Variants in SLC46A3 observed in about 807,000 individuals in gnomAD.
SLC46A3 encodes solute carrier family 46 member 3, also known as lysosomal proton-coupled steroid conjugate and bile acid symporter SLC46A3.
SLC46A3 carries 26 observed loss-of-function variants against 38.5 expected under a neutral mutation model. The ratio of observed to expected loss-of-function variants is 0.68; its 90% CI spans 0.49 to 0.94. The LOEUF is 0.94. Among genes scored for constraint, SLC46A3 ranks in the 40% least tolerant of loss-of-function variants. SLC46A3 has a pLI of 0.00. For synonymous variants in SLC46A3, 185 were observed against 192.5 expected (o/e 0.96, Z 0.32); for missense variants, 510 against 544.3 (o/e 0.94, Z 0.63).
At chr13:28,702,704 C>T (rs1451379375) in intron 5 of SLC46A3, among the ~76,000 whole-genome samples, 2 of 152,206 alleles carry the variant, frequency 1.3e-5, no homozygotes, top group Non-Finnish European at 2.9e-5. Flanking sequence ...TACTGTTGTT[C>T]TCTGACACAG....
In SLC46A3 at chr13:28,713,155, A is replaced by G; in HGVS notation, c.585T>C (p.Gly195=). 12 of 1,614,086 alleles carry G rather than the reference A, an allele frequency of 7.4e-6. No individual in the cohort carries two copies. Among genetic ancestry groups the G allele is most frequent in the Non-Finnish European group, 1.0e-5 (12 of 1,180,014 alleles). Residue 195 remains glycine, a synonymous_variant, in exon 3 of 6, where the codon GGT becomes GGC. Coordinates refer to ENST00000266943, the MANE Select transcript of SLC46A3 (RefSeq NM_181785.4). The part of the protein sequence containing the change: ...LSSGYFIREL[G]FEWSFLIIAV... ...CAATAATTAGAAACGACCACTCAAA[A>G]CCTAGCTCTCTAATAAAATAGCCAG...
At chr13:28,714,906 A>G (rs8181891) in intron 2 of SLC46A3, among the ~76,000 whole-genome samples, 47,301 of 152,170 alleles carry the variant, frequency 0.31, 7,796 homozygotes, top group Middle Eastern at 0.48. Context: ...TTGATGGAAG[A>G]AATTTTGCAT....
intron 4 of SLC46A3, 38 bp from the exon 5 acceptor site, chr13:28,704,137 A>AT: frequency 6.4e-7 from 1 of 1,560,510 alleles, no homozygotes; most frequent in Non-Finnish European, 8.6e-7. Flanking sequence ...GAAAAAAAAA[A>AT]GGCAGAATTA....
chr13:28,702,377 A>T (rs1885047789), intron 5 of SLC46A3, among the ~76,000 whole-genome samples: 1 of 152,250 alleles, frequency 6.6e-6, no homozygotes, highest in Admixed American at 6.5e-5. Context: ...GTCACTTAAA[A>T]TTTTTTTGCT....
In SLC46A3 at chr13:28,709,823, T is replaced by G. The variant is rs866456529; in HGVS notation, c.1144+937A>C. ...GGCATCTCTCTGGCTGCCTCGACAATGCCCACTCTCTATAATGGCCTTCAT... is the reference window on the plus strand; with the variant it reads ...GGCATCTCTCTGGCTGCCTCGACAAGGCCCACTCTCTATAATGGCCTTCAT... On this transcript the variant is annotated intron_variant, in intron 4 of 5. Coordinates refer to ENST00000266943, the MANE Select transcript of SLC46A3 (RefSeq NM_181785.4). Among the ~76,000 whole-genome samples, 9 of 152,296 alleles carry G rather than the reference T, an allele frequency of 5.9e-5. No homozygotes were observed. In the South Asian group the frequency reaches 1.9e-3, roughly 32 times the overall value.
rs1391180927 is a variant in SLC46A3, at chr13:28,700,237, G to A, written c.*1260C>T. 1 of 152,188 alleles carries A rather than the reference G, an allele frequency of 6.6e-6. No homozygotes were observed. The highest frequency in any genetic ancestry group is 2.4e-5 in the African/African-American group (1 of 41,428). The allele number at this position is 152,188 out of a possible 1,614,324, so 9.4% of individuals were successfully genotyped here. ...GAGCTATGGAAGCCCTGTAGGGACT[G>A]GGGAGTGAGGAGGGATGTCAAGAAG... is the stretch of plus-strand genomic sequence containing the variant. On this transcript the variant is annotated 3_prime_UTR_variant, in exon 6 of 6. Coordinates refer to ENST00000266943, the MANE Select transcript of SLC46A3 (RefSeq NM_181785.4).
At chr13:28,707,228 G>T (rs1379039411) in intron 4 of SLC46A3, among the ~76,000 whole-genome samples, 5 of 151,792 alleles carry the variant, frequency 3.3e-5, no homozygotes, top group Non-Finnish European at 7.4e-5. Flanking sequence ...CCATACAAAA[G>T]GATGAGTTCA....
chr13:28,712,537 G>A, intron 3 of SLC46A3, 143 bp downstream of exon 3: 1 of 769,508 alleles, frequency 1.3e-6, no homozygotes, highest in Non-Finnish European at 1.8e-6. Context: ...ATTGACTCCT[G>A]GCAAACTAGT....
At chr13:28,712,596 T>G in intron 3 of SLC46A3, 84 bp downstream of exon 3, 1 of 1,380,636 alleles carries the variant, frequency 7.2e-7, no homozygotes, top group Non-Finnish European at 9.6e-7. Context: ...GGCTTTAGAT[T>G]AAAGTTTCTC....
intron 3 of SLC46A3, among the ~76,000 whole-genome samples, chr13:28,712,308 G>A (rs1885365350): frequency 6.6e-6 from 1 of 152,002 alleles, no homozygotes; most frequent in African/African-American, 2.4e-5. Context: ...TTTCTTATAA[G>A]TATTTTTAGT....
chr13:28,701,054 T>A lies in SLC46A3; in HGVS notation c.*443A>T. ...AATGAGTGATTCATCATAATTTTCA[T>A]TATGCCTTCAAAATTATCCCTGAGA... On this transcript the variant is annotated 3_prime_UTR_variant, in exon 6 of 6. Coordinates refer to ENST00000266943, the MANE Select transcript of SLC46A3 (RefSeq NM_181785.4). The A allele has an allele frequency of 2.0e-6, 3 of 1,503,120 alleles. No individual in the cohort carries two copies. Among genetic ancestry groups the A allele is most frequent in the Non-Finnish European group, 2.7e-6 (3 of 1,124,702 alleles). The allele number at this position is 1,503,120 out of a possible 1,614,324, so 93.1% of individuals were successfully genotyped here.
At chr13:28,709,791 T>C (rs1159298311) in intron 4 of SLC46A3, among the ~76,000 whole-genome samples, 1 of 152,182 alleles carries the variant, frequency 6.6e-6, no homozygotes, top group Non-Finnish European at 1.5e-5. Flanking sequence ...CTCTGCTTCC[T>C]ATCTGGGGCA....
At chr13:28,708,978 A>G (rs892990092) in intron 4 of SLC46A3, among the ~76,000 whole-genome samples, 1 of 152,192 alleles carries the variant, frequency 6.6e-6, no homozygotes, top group African/African-American at 2.4e-5. Flanking sequence ...AGCAATCATC[A>G]TCACATCATC....
At chr13:28,706,233 A>T (rs1313169267) in intron 4 of SLC46A3, among the ~76,000 whole-genome samples, 1 of 152,224 alleles carries the variant, frequency 6.6e-6, no homozygotes. Flanking sequence ...ATTGCAAAAT[A>T]ATTACCAGAA....
At chr13:28,708,957 T>C (rs1885261565) in intron 4 of SLC46A3, among the ~76,000 whole-genome samples, 1 of 152,198 alleles carries the variant, frequency 6.6e-6, no homozygotes, top group African/African-American at 2.4e-5. Context: ...CCATTTGTTA[T>C]TGGTTTTCAA....
At chr13:28,715,418 C>T (rs1885500304) in intron 2 of SLC46A3, among the ~76,000 whole-genome samples, 2 of 152,218 alleles carry the variant, frequency 1.3e-5, no homozygotes, top group Admixed American at 6.5e-5. Context: ...GACCAAGGCC[C>T]GTCTTCCCTC....
chr13:28,713,853 A>C (rs1441209667), intron 2 of SLC46A3, among the ~76,000 whole-genome samples: 1 of 152,210 alleles, frequency 6.6e-6, no homozygotes, highest in Non-Finnish European at 1.5e-5. Flanking sequence ...TTTAAACACA[A>C]AATTCATTTA....
At position 28,717,850 on chromosome 13, in the gene SLC46A3, C is replaced by G. The variant is rs1278438905; in HGVS notation, c.149G>C (p.Cys50Ser). Residue 50 changes from cysteine (C) to serine (S), a missense_variant, in exon 2 of 6, where the codon TGT becomes TCT. Transcript: ENST00000266943. ...TFSSDSNISE[C>S]EKNKSSPIFA... is the part of the protein sequence containing the mutation. ...AATTGGGCTGCTTTTGTTTTTTTCA[C>G]ACTCAGAAATATTGCTATCAGATGA... 1 of 1,613,136 alleles carries G rather than the reference C, an allele frequency of 6.2e-7. No homozygotes were observed. The highest frequency in any genetic ancestry group is 8.5e-7 in the Non-Finnish European group (1 of 1,179,824).
intron 4 of SLC46A3, among the ~76,000 whole-genome samples, chr13:28,707,446 T>G (rs1447600881): frequency 6.7e-6 from 1 of 148,342 alleles, no homozygotes; most frequent in African/African-American, 2.5e-5. Context: ...TTAGGAGATA[T>G]ACCTAATGCT....
Sources: gnomAD v4.1 joint callset for allele counts (sites outside exome capture counted in the v4.1 genomes callset) on GRCh38, gnomAD v4.1.1 for gene constraint, MANE v1.5 for transcripts, NCBI Gene and HGNC (gene_info 2026-07-23, HGNC 2026-07-21) for gene names.